Variants in PHYH observed in about 807,000 individuals in gnomAD.
PHYH encodes phytanoyl-CoA dioxygenase, peroxisomal.
PHYH carries 32 observed loss-of-function variants against 38.5 expected under a neutral mutation model. The ratio of observed to expected loss-of-function variants is 0.83; its 90% CI spans 0.63 to 1.12. The LOEUF is 1.12. Ranked by LOEUF, PHYH falls within the 50% of genes most tolerant of loss-of-function variation. The pLI, the probability that PHYH is intolerant of heterozygous loss-of-function variation, is 0.00. For missense variants in PHYH, 426 were observed against 434.8 expected, an observed-to-expected ratio of 0.98 and a Z score of 0.18; for synonymous variants, 166 against 157.9, an observed-to-expected ratio of 1.05 and a Z score of -0.38.
intron 1 of PHYH, 44 bp downstream of exon 1, chr10:13,299,924 C>A: frequency 6.7e-7 from 1 of 1,492,540 alleles, no homozygotes; most frequent in Non-Finnish European, 8.9e-7. Flanking sequence ...GGCGGCGGCG[C>A]CGGCGCCGGA....
chr10:13,292,255 A>T (rs1835730659), intron 4 of PHYH, among the ~76,000 whole-genome samples: 1 of 152,220 alleles, frequency 6.6e-6, no homozygotes, highest in Non-Finnish European at 1.5e-5. Context: ...CCTCTTCCTC[A>T]TTGGAGCCTC....
At chr10:13,284,237 C>A (rs970054030) in intron 6 of PHYH, among the ~76,000 whole-genome samples, 6 of 151,826 alleles carry the variant, frequency 4.0e-5, no homozygotes, top group Non-Finnish European at 8.8e-5. Context: ...GTGGGAGGAT[C>A]GATTGAGCCG....
At chr10:13,289,661 G>A (rs1488944951) in intron 5 of PHYH, among the ~76,000 whole-genome samples, 1 of 152,144 alleles carries the variant, frequency 6.6e-6, no homozygotes, top group Non-Finnish European at 1.5e-5. Flanking sequence ...GCCACGTGTA[G>A]TGGCTCACAC....
At chr10:13,288,297 C>A (rs1309463008) in intron 6 of PHYH, 63 bp downstream of exon 6, 3 of 1,397,002 alleles carry the variant, frequency 2.1e-6, no homozygotes, top group African/African-American at 2.8e-5. Context: ...TTTAGAGGTA[C>A]TGATGTGAAA....
intron 1 of PHYH, among the ~76,000 whole-genome samples, chr10:13,299,129 C>CA (rs34019384): frequency 0.35 from 44,561 of 125,888 alleles, 9,789 homozygotes; most frequent in African/African-American, 0.59. Context: ...GGCCCTGTTT[C>CA]AAAAAAAAAA....
intron 4 of PHYH, among the ~76,000 whole-genome samples, chr10:13,294,029 C>A (rs1835776741): frequency 6.6e-6 from 1 of 151,804 alleles, no homozygotes; most frequent in Non-Finnish European, 1.5e-5. Context: ...TGGTGAAACC[C>A]TTTCTCTACT....
intron 6 of PHYH, among the ~76,000 whole-genome samples, chr10:13,287,525 C>T (rs1174637292): frequency 6.6e-6 from 1 of 152,120 alleles, no homozygotes; most frequent in East Asian, 1.9e-4. Flanking sequence ...AATACACCCC[C>T]AGCGCCCAGC....
chr10:13,290,004 C>T (rs1325914922), intron 5 of PHYH, among the ~76,000 whole-genome samples: 1 of 148,024 alleles, frequency 6.8e-6, no homozygotes, highest in East Asian at 2.0e-4. Context: ...CACGGTGGCT[C>T]ACGCCGGTAA....
intron 5 of PHYH, among the ~76,000 whole-genome samples, chr10:13,290,166 G>A (rs987947155): frequency 1.4e-5 from 2 of 145,754 alleles, no homozygotes; most frequent in African/African-American, 5.1e-5. Flanking sequence ...GTGGTGGTGG[G>A]CACCTGTAAT....
intron 4 of PHYH, among the ~76,000 whole-genome samples, chr10:13,292,712 C>T (rs7920056): frequency 0.48 from 73,494 of 151,986 alleles, 19,234 homozygotes; most frequent in Admixed American, 0.61. Context: ...GCGGGCGGAT[C>T]ACTTGAGGTC....
rs1196837590 is a variant in PHYH at position 13,300,018 on chromosome 10, G to C, written c.25C>G (p.Arg9Gly). 11 of 1,532,228 alleles carry C rather than the reference G, an allele frequency of 7.2e-6. No individual in the cohort carries two copies. Among genetic ancestry groups the C allele is most frequent in the African/African-American group, 1.4e-5 (1 of 71,912 alleles). The allele number at this position is 1,532,228 out of a possible 1,614,324, so 94.9% of individuals were successfully genotyped here. A position where few individuals can be genotyped will look rare whatever the true frequency, so the allele number is the denominator to read the frequency against. ...AGGTGGCCCAGAACAATCTGCAGAC[G>C]GGCGGCGGCGCGAAGCTGCTCCATG... MEQLRAAA[R>G]LQIVLGHLGR... Residue 9 changes from arginine to glycine, a missense_variant, in exon 1 of 9, where the codon CGT (arginine) becomes GGT (glycine). By Grantham distance (125) the Arg-to-Gly change is moderately radical. Transcript: ENST00000263038.
chr10:13,288,357 T>C lies in PHYH; in HGVS notation c.678+3A>G, dbSNP rs1835606662. 1 of 1,613,356 alleles carries C rather than the reference T, an allele frequency of 6.2e-7. No individual in the cohort carries two copies. The highest frequency in any genetic ancestry group is 8.5e-7 in the Non-Finnish European group (1 of 1,179,898). On this transcript the variant is annotated splice_donor_region_variant and intron_variant, in intron 6 of 8. Coordinates refer to ENST00000263038, the MANE Select transcript of PHYH (RefSeq NM_006214.4). ...TCAAGACTCAGCCGCCGGGCAGACC[T>C]ACCTCCCACTTGGGGTAATCGTGGG... is the stretch of plus-strand genomic sequence containing the variant.
chr10:13,290,521 C>A (rs1040349834), intron 5 of PHYH, among the ~76,000 whole-genome samples: 5 of 54,108 alleles, frequency 9.2e-5, no homozygotes, highest in Non-Finnish European at 2.3e-4. Flanking sequence ...GAAGAAAAGG[C>A]AGAAAGGATA....
chr10:13,284,028 A>G (rs577877708), intron 6 of PHYH, among the ~76,000 whole-genome samples, 189 bp from the exon 7 acceptor site: 14 of 152,294 alleles, frequency 9.2e-5, no homozygotes, highest in African/African-American at 3.4e-4. Context: ...CTGGTTTTTA[A>G]GAGTCACATT....
chr10:13,295,441 T>C, intron 3 of PHYH, 55 bp downstream of exon 3: 1 of 910,876 alleles, frequency 1.1e-6, no homozygotes, highest in Non-Finnish European at 1.9e-6. Context: ...CCTTGTATTC[T>C]CATTACATGC....
chr10:13,280,477 C>G (rs978144700), intron 8 of PHYH, among the ~76,000 whole-genome samples: 2 of 152,202 alleles, frequency 1.3e-5, no homozygotes, highest in African/African-American at 4.8e-5. Flanking sequence ...GCTGGGACTA[C>G]AGCTATGCTC....
chr10:13,298,836 C>T (rs10906343), intron 1 of PHYH, among the ~76,000 whole-genome samples: 93,024 of 146,118 alleles, frequency 0.64, 30,477 homozygotes, highest in East Asian at 0.79. Context: ...ATGGCTTGAA[C>T]CTGGGAGGCG....
Position 13,288,358 on chromosome 10 carries a change from A to C in PHYH, c.678+2T>G, listed in dbSNP as rs769744387. 4.3e-6 allele frequency: 7 copies of C among 1,613,380 alleles called. No individual in the cohort carries two copies. The highest frequency in any genetic ancestry group is 5.9e-6 in the Non-Finnish European group (7 of 1,179,908). On this transcript the variant is annotated splice_donor_variant, in intron 6 of 8. Coordinates refer to ENST00000263038, the MANE Select transcript of PHYH (RefSeq NM_006214.4). LOFTEE classifies it high-confidence loss of function. ...CAAGACTCAGCCGCCGGGCAGACCT[A>C]CCTCCCACTTGGGGTAATCGTGGGG...
Position 13,288,381 on chromosome 10 carries a change from G to T in PHYH, c.657C>A (p.Pro219=), listed in dbSNP as rs202064954. ...LPGTHKGSLK[P]HDYPKWEGGV... Reference sequence around the variant, plus strand: ...CTACCTCCCACTTGGGGTAATCGTGGGGCTTCAGGGAGCCCTTGTGTGTGC... The same window carrying T: ...CTACCTCCCACTTGGGGTAATCGTGTGGCTTCAGGGAGCCCTTGTGTGTGC... The change falls in exon 6 of 9, where the codon CCC becomes CCA. Residue 219 remains proline (P), a synonymous_variant. Coordinates refer to ENST00000263038, the MANE Select transcript of PHYH (RefSeq NM_006214.4). 23 of 1,613,960 alleles carry T rather than the reference G, an allele frequency of 1.4e-5. No individual in the cohort carries two copies. The highest frequency in any genetic ancestry group is 1.9e-5 in the Non-Finnish European group (23 of 1,180,028).
Sources: allele counts gnomAD v4.1 joint callset (sites outside exome capture counted in the v4.1 genomes callset), GRCh38; gene constraint gnomAD v4.1.1; transcripts MANE v1.5; gene names NCBI Gene and HGNC (gene_info 2026-07-23, HGNC 2026-07-21).